CSMD2: variants seen among roughly 807,000 people sequenced by gnomAD.
CSMD2 encodes the protein CUB and Sushi multiple domains 2.
A neutral mutation model predicts 398.5 loss-of-function variants in CSMD2; 130 were observed. The observed-to-expected ratio is 0.33, with a 90% CI of 0.28 to 0.38. CSMD2 has a LOEUF of 0.38. CSMD2 is among the 10% of genes least tolerant of loss of function. The pLI is 1.00. For missense variants in CSMD2, 3,829 were observed against 4,764.9 expected, an observed-to-expected ratio of 0.80 and a Z score of 5.78; for synonymous variants, 1,828 against 1,908.5, an observed-to-expected ratio of 0.96 and a Z score of 1.10.
chr1:33,565,856 C>T (rs927077156), intron 53 of CSMD2, among the ~76,000 whole-genome samples: 2 of 151,946 alleles, frequency 1.3e-5, no homozygotes, highest in South Asian at 2.1e-4. Flanking sequence ...TAAAAGATAA[C>T]TGATTGTATG....
At chr1:34,017,676 G>A (rs1020606428) in intron 3 of CSMD2, among the ~76,000 whole-genome samples, 3 of 152,166 alleles carry the variant, frequency 2.0e-5, no homozygotes, top group African/African-American at 7.2e-5. Context: ...TTAAACCCAG[G>A]AGGTCAAGGC....
intron 24 of CSMD2, among the ~76,000 whole-genome samples, chr1:33,697,202 T>C (rs886383764): frequency 6.6e-6 from 1 of 152,316 alleles, no homozygotes; most frequent in African/African-American, 2.4e-5. Context: ...TCATCCCTCC[T>C]TTTCATTTTG....
chr1:33,686,587 AT>A (rs1169383548), intron 25 of CSMD2, among the ~76,000 whole-genome samples: 2 of 152,188 alleles, frequency 1.3e-5, no homozygotes, highest in East Asian at 3.9e-4. Flanking sequence ...CTGACTGTAG[AT>A]TCCTGCAGCC....
intron 3 of CSMD2, among the ~76,000 whole-genome samples, chr1:33,966,148 C>G (rs1223336569): frequency 6.6e-6 from 1 of 152,172 alleles, no homozygotes; most frequent in Non-Finnish European, 1.5e-5. Context: ...GCTCCCTGAA[C>G]TTCCAGGGAG....
At chr1:33,819,174 C>T (rs1009569421) in intron 9 of CSMD2, among the ~76,000 whole-genome samples, 2 of 152,162 alleles carry the variant, frequency 1.3e-5, no homozygotes, top group Admixed American at 6.5e-5. Flanking sequence ...CCAGCCCAGG[C>T]TTGGCTCATG....
At chr1:33,617,082 C>A (rs1641441407) in intron 38 of CSMD2, 107 bp from the exon 39 acceptor site, 2 of 784,780 alleles carry the variant, frequency 2.5e-6, no homozygotes, top group Admixed American at 2.1e-5. Context: ...TGTTAAGGAA[C>A]AAGATACACA....
chr1:33,771,132 C>T (rs1277367518), intron 13 of CSMD2, among the ~76,000 whole-genome samples: 1 of 152,192 alleles, frequency 6.6e-6, no homozygotes, highest in African/African-American at 2.4e-5. Context: ...CTCCATTTCT[C>T]CCTGCCTTGT....
chr1:33,757,384 C>T (rs1649189579), intron 13 of CSMD2, among the ~76,000 whole-genome samples: 1 of 152,094 alleles, frequency 6.6e-6, no homozygotes, highest in South Asian at 2.1e-4. Context: ...AACTTTTTGT[C>T]TTCTTCCCCA....
chr1:34,088,951 T>C, intron 2 of CSMD2, 26 bp downstream of exon 2: 1 of 1,596,210 alleles, frequency 6.3e-7, no homozygotes, highest in Non-Finnish European at 8.6e-7. Context: ...AGCTGTTTGC[T>C]ACAGGGAAGG....
intron 20 of CSMD2, among the ~76,000 whole-genome samples, chr1:33,716,059 T>C (rs182584847): frequency 2.0e-5 from 3 of 152,308 alleles, no homozygotes; most frequent in East Asian, 1.9e-4. Flanking sequence ...AACACCTTCA[T>C]AGAATAAGAA....
intron 5 of CSMD2, chr1:33,863,509 A>G (rs1208968507): frequency 1.3e-5 from 2 of 152,246 alleles, no homozygotes; most frequent in East Asian, 3.8e-4. Context: ...TCCAACTCAT[A>G]GCCCAAGTGC....
intron 15 of CSMD2, among the ~76,000 whole-genome samples, chr1:33,733,633 G>A (rs1296462681): frequency 4.6e-5 from 7 of 152,120 alleles, no homozygotes; most frequent in Admixed American, 1.3e-4. Context: ...TCGGATCATG[G>A]GGGCAGTTTC....
chr1:33,719,019 G>GT (rs1646266893), intron 19 of CSMD2, among the ~76,000 whole-genome samples: 1 of 152,200 alleles, frequency 6.6e-6, no homozygotes, highest in Admixed American at 6.5e-5. Context: ...AGATCTCCCA[G>GT]TTTAGTGGAG....
chr1:33,743,266 G>C lies in CSMD2; in HGVS notation c.2173+14C>G. 1 of 1,580,752 alleles carries C rather than the reference G, an allele frequency of 6.3e-7. No individual in the cohort carries two copies. The highest frequency in any genetic ancestry group is 8.6e-7 in the Non-Finnish European group (1 of 1,160,474). ...TCAGATGGAGGGCCAGCTGGTGACA[G>C]AGGGAGGACTCACTGGTAAAAGTGA... On this transcript the variant is annotated intron_variant, in intron 14 of 70. Coordinates refer to ENST00000373381, the MANE Select transcript of CSMD2 (RefSeq NM_001281956.2).
At chr1:33,582,428 C>T (rs549490771) in intron 47 of CSMD2, among the ~76,000 whole-genome samples, 19 of 152,164 alleles carry the variant, frequency 1.2e-4, no homozygotes, top group African/African-American at 4.3e-4. Context: ...AGAAAAGCTG[C>T]CCCCAGCAGA....
chr1:34,080,115 T>A (rs1341610928), intron 2 of CSMD2, among the ~76,000 whole-genome samples: 1 of 130,926 alleles, frequency 7.6e-6, no homozygotes. Flanking sequence ...TGGTACAAAG[T>A]AGAATGTAAA....
intron 39 of CSMD2, among the ~76,000 whole-genome samples, chr1:33,616,642 G>A (rs1484287908): frequency 6.6e-6 from 1 of 152,216 alleles, no homozygotes; most frequent in Admixed American, 6.5e-5. Flanking sequence ...TGATTAACTA[G>A]AGCCAGAACG....
At chr1:33,544,831 T>TTA (rs56072818) in intron 57 of CSMD2, among the ~76,000 whole-genome samples, 8,884 of 141,890 alleles carry the variant, frequency 0.063, 337 homozygotes, top group East Asian at 0.1. Context: ...CACTGTGCAT[T>TTA]TATATATATA....
At chr1:33,835,677 ACAAAAC>A (rs1358731531) in intron 6 of CSMD2, among the ~76,000 whole-genome samples, 16 of 135,358 alleles carry the variant, frequency 1.2e-4, no homozygotes, top group Admixed American at 3.7e-4. Flanking sequence ...TTAAAACAAA[ACAAAAC>A]AAAACAAAAA....
Sources: allele counts gnomAD v4.1 joint callset (sites outside exome capture counted in the v4.1 genomes callset), GRCh38; gene constraint gnomAD v4.1.1; transcripts MANE v1.5; gene names NCBI Gene and HGNC (gene_info 2026-07-23, HGNC 2026-07-21).